The following VMP1 variants were observed in gnomAD, a reference collection of about 807,000 sequenced individuals.
VMP1 encodes the protein ectopic P-granules autophagy protein 3 homolog.
VMP1 carries 11 observed loss-of-function variants against 56.0 expected under a neutral mutation model. That is an observed-to-expected ratio of 0.20 (90% confidence interval 0.12 to 0.32). The LOEUF is 0.32. Ranked by LOEUF, VMP1 falls within the 10% of genes least tolerant of loss-of-function variation. The pLI, the probability that VMP1 is intolerant of heterozygous loss-of-function variation, is 1.00. For missense variants in VMP1, 296 were observed against 490.3 expected, an observed-to-expected ratio of 0.60 and a Z score of 3.74; for synonymous variants, 149 against 165.0, an observed-to-expected ratio of 0.90 and a Z score of 0.74.
At chr17:59,777,068 A>G (rs1356194750) in intron 7 of VMP1, among the ~76,000 whole-genome samples, 1 of 152,162 alleles carries the variant, frequency 6.6e-6, no homozygotes, top group Non-Finnish European at 1.5e-5. Flanking sequence ...AGATTATATC[A>G]ATTCCATTTT....
chr17:59,822,326 CTTTT>C (rs774358954), intron 10 of VMP1, among the ~76,000 whole-genome samples: 6 of 125,352 alleles, frequency 4.8e-5, no homozygotes, highest in Non-Finnish European at 9.8e-5. Flanking sequence ...GTAGGAAATA[CTTTT>C]TTTTTTTTTT....
intron 6 of VMP1, among the ~76,000 whole-genome samples, chr17:59,769,039 T>C (rs1025920188): frequency 6.6e-6 from 1 of 151,672 alleles, no homozygotes; most frequent in African/African-American, 2.4e-5. Context: ...GAGAATTGCT[T>C]GAACCCGGGA....
Position 59,769,487 on chromosome 17 carries a change from C to T in VMP1, c.583-4267C>T, listed in dbSNP as rs1304565344. ...ACAAAATGTTTTTTCCCTACCTCACCTGACAAAACTTTTTAAAAGTACAAA... is the reference window on the plus strand; with the variant it reads ...ACAAAATGTTTTTTCCCTACCTCACTTGACAAAACTTTTTAAAAGTACAAA... On this transcript the variant is annotated intron_variant, in intron 6 of 11. Transcript: ENST00000262291. 3.3e-5 allele frequency among the ~76,000 whole-genome samples: 5 copies of T among 152,076 alleles called. No individual in the cohort carries two copies. In the East Asian group the frequency reaches 9.6e-4, roughly 29 times the overall value.
At chr17:59,736,855 A>G (rs1382869193) in intron 3 of VMP1, among the ~76,000 whole-genome samples, 1 of 150,270 alleles carries the variant, frequency 6.7e-6, no homozygotes, top group Non-Finnish European at 1.5e-5. Flanking sequence ...AGCCCGGCCA[A>G]CATAGTGAAA....
intron 5 of VMP1, among the ~76,000 whole-genome samples, chr17:59,739,463 G>A (rs563784396): frequency 1.2e-3 from 175 of 152,110 alleles, no homozygotes; most frequent in African/African-American, 3.9e-3. Context: ...GGTGGCTCAC[G>A]CCTGTAATCC....
At chr17:59,766,872 C>A (rs2036249699) in intron 6 of VMP1, among the ~76,000 whole-genome samples, 1 of 151,942 alleles carries the variant, frequency 6.6e-6, no homozygotes, top group Non-Finnish European at 1.5e-5. Context: ...CTCTGTCTCC[C>A]AGGTTCAAGC....
In VMP1 at chr17:59,828,962, A is replaced by G. The variant is rs149448181; in HGVS notation, c.975-9333A>G. 2.4e-3 allele frequency among the ~76,000 whole-genome samples: 368 copies of G among 152,280 alleles called. 2 individuals carry two copies. The highest frequency in any genetic ancestry group is 8.4e-3 in the African/African-American group (348 of 41,562). On this transcript the variant is annotated intron_variant, in intron 10 of 11. Transcript: ENST00000262291. ...GAAACCCTGTCTCTACTAAAAATAC[A>G]AAAACTAGCAGGGTGTAGTGGTGCC... is the stretch of plus-strand genomic sequence containing the variant.
At chr17:59,814,313 G>T (rs1403477481) in intron 9 of VMP1, among the ~76,000 whole-genome samples, 1 of 152,102 alleles carries the variant, frequency 6.6e-6, no homozygotes, top group African/African-American at 2.4e-5. Flanking sequence ...ACACTTTAAA[G>T]CACTTATCTA....
intron 1 of VMP1, among the ~76,000 whole-genome samples, chr17:59,724,679 A>G (rs2034528262): frequency 6.6e-6 from 1 of 151,316 alleles, no homozygotes; most frequent in Non-Finnish European, 1.5e-5. Flanking sequence ...CTCAAAAATA[A>G]TAATAGGCAG....
At chr17:59,743,611 C>T (rs1471141641) in intron 5 of VMP1, among the ~76,000 whole-genome samples, 1 of 148,238 alleles carries the variant, frequency 6.7e-6, no homozygotes, top group African/African-American at 2.5e-5. Context: ...TATATATATG[C>T]TATATATATG....
At chr17:59,809,304 CTTTTTTTTTTTTTTTT>C (rs57274450) in intron 8 of VMP1, among the ~76,000 whole-genome samples, 1 of 33,430 alleles carries the variant, frequency 3.0e-5, no homozygotes, top group African/African-American at 1.9e-4. Flanking sequence ...GCCCATTCAA[CTTTTTTTTTTTTTTTT>C]TTTTTTTTTT....
rs112911537 is a variant in VMP1, at chr17:59,839,981, C to G, written c.*70C>G. The G allele has an allele frequency of 1.4e-5, 22 of 1,565,456 alleles. No individual in the cohort carries two copies. The highest frequency in any genetic ancestry group is 3.4e-4 in the Middle Eastern group (2 of 5,936). ...GCCTTAAATTGGGAGGACTCCAAGCCGGGAAGGAAAATTCCCTTTTCCAAC... is the reference window on the plus strand; with the variant it reads ...GCCTTAAATTGGGAGGACTCCAAGCGGGGAAGGAAAATTCCCTTTTCCAAC... On this transcript the variant is annotated 3_prime_UTR_variant, in exon 12 of 12. Coordinates refer to ENST00000262291, the MANE Select transcript of VMP1 (RefSeq NM_030938.5).
chr17:59,781,719 T>C (rs1159198245), intron 7 of VMP1, among the ~76,000 whole-genome samples: 1 of 152,224 alleles, frequency 6.6e-6, no homozygotes, highest in Non-Finnish European at 1.5e-5. Flanking sequence ...AAGTTTATTA[T>C]AATGAAATGC....
chr17:59,792,850 C>CAAA (rs1164749694), intron 7 of VMP1, among the ~76,000 whole-genome samples: 2 of 65,316 alleles, frequency 3.1e-5, no homozygotes, highest in African/African-American at 1.4e-4. Context: ...AACGCCATCT[C>CAAA]AAAAAATAAT....
rs571996545 is a variant in VMP1 at position 59,801,080 on chromosome 17, GA to G, written c.715-7704del. 7.7e-3 allele frequency among the ~76,000 whole-genome samples: 510 copies of G among 66,118 alleles called. 8 individuals are homozygous for G. Among genetic ancestry groups the G allele is most frequent in the Middle Eastern group, 0.024 (3 of 124 alleles). The allele number at this position is 66,118 out of a possible 152,430, so 43.4% of individuals were successfully genotyped here. On this transcript the variant is annotated intron_variant, in intron 7 of 11. Transcript: ENST00000262291. Reference sequence around the variant, plus strand: ...GGGCGACAGAGCAAGACTCCATCTCGAAAAAAAAAAAATATATATATATATA... The same window carrying G: ...GGGCGACAGAGCAAGACTCCATCTCGAAAAAAAAAAATATATATATATATA...
At chr17:59,708,864 T>C (rs1398046905) in intron 1 of VMP1, among the ~76,000 whole-genome samples, 2 of 152,206 alleles carry the variant, frequency 1.3e-5, no homozygotes, top group East Asian at 1.9e-4. Context: ...CCTAGACAAA[T>C]GTGACTGATT....
In VMP1 at chr17:59,809,304, C is replaced by CTTTT. The variant is rs57274450; in HGVS notation, c.795+453_795+456dup. Among the ~76,000 whole-genome samples the CTTTT allele has an allele frequency of 4.1e-3, 138 of 33,450 alleles. 19 individuals are homozygous for CTTTT. The highest frequency in any genetic ancestry group is 0.011 in the East Asian group (9 of 854). The allele number at this position is 33,450 out of a possible 152,430, so 21.9% of individuals were successfully genotyped here. A position where few individuals can be genotyped will look rare whatever the true frequency, so the allele number is the denominator to read the frequency against. On this transcript the variant is annotated intron_variant, in intron 8 of 11. Coordinates refer to ENST00000262291, the MANE Select transcript of VMP1 (RefSeq NM_030938.5). ...GAGCCACTACACCTGGCCCATTCAA[C>CTTTT]TTTTTTTTTTTTTTTTTTTTTTTTT...
At chr17:59,826,675 G>C (rs527767762) in intron 10 of VMP1, among the ~76,000 whole-genome samples, 1 of 152,286 alleles carries the variant, frequency 6.6e-6, no homozygotes, top group South Asian at 2.1e-4. Flanking sequence ...AAACCTGTTA[G>C]GTACTATTAC....
rs530907168 is a variant in VMP1, at chr17:59,821,539, C to CTTTTTTT, written c.974+3783_974+3789dup. Reference sequence around the variant, plus strand: ...TACAGGGATTACCTCAGCTACTTTTCTTTTTTTTTTTTTTTTTTTTTTTGA... The same window carrying CTTTTTTT: ...TACAGGGATTACCTCAGCTACTTTTCTTTTTTTTTTTTTTTTTTTTTTTTTTTTTTGA... On this transcript the variant is annotated intron_variant, in intron 10 of 11. Transcript: ENST00000262291. 9.6e-4 allele frequency among the ~76,000 whole-genome samples: 100 copies of CTTTTTTT among 104,678 alleles called. 2 individuals carry two copies. The highest frequency in any genetic ancestry group is 3.7e-3 in the African/African-American group (96 of 26,258). The allele number at this position is 104,678 out of a possible 152,430, so 68.7% of individuals were successfully genotyped here. A position where few individuals can be genotyped will look rare whatever the true frequency, so the allele number is the denominator to read the frequency against.
Sources: gnomAD v4.1 joint callset for allele counts (sites outside exome capture counted in the v4.1 genomes callset) on GRCh38, gnomAD v4.1.1 for gene constraint, MANE v1.5 for transcripts, NCBI Gene and HGNC (gene_info 2026-07-23, HGNC 2026-07-21) for gene names.